Variants in ATP8B1 observed in about 807,000 individuals in gnomAD.
ATP8B1 encodes the protein phospholipid-transporting ATPase IC.
In ATP8B1, 80 loss-of-function variants were observed where a neutral mutation model predicts 149.9. The observed-to-expected ratio is 0.53, with a 90% CI of 0.45 to 0.64. The LOEUF (loss-of-function observed/expected upper bound fraction) is 0.64, where lower values mean the gene tolerates loss of function less well. Among genes scored for constraint, ATP8B1 ranks in the 30% least tolerant of loss-of-function variants. The probability of loss-of-function intolerance (pLI) is 0.00; values close to 1 mark genes in which losing one functional copy is unlikely to be tolerated. For synonymous variants in ATP8B1, 536 were observed against 562.8 expected, an observed-to-expected ratio of 0.95 and a Z score of 0.67; for missense variants, 1,247 against 1,552.6, an observed-to-expected ratio of 0.80 and a Z score of 3.31.
intron 12 of ATP8B1, among the ~76,000 whole-genome samples, chr18:57,688,837 A>G (rs763039063): frequency 6.6e-6 from 1 of 152,198 alleles, no homozygotes; most frequent in Admixed American, 6.5e-5. Context: ...TAAAGCAGAA[A>G]GTGAGCCTTT....
At chr18:57,768,406 A>AAAAAGAAAAG (rs1342654573) in intron 1 of ATP8B1, among the ~76,000 whole-genome samples, 3 of 120,000 alleles carry the variant, frequency 2.5e-5, no homozygotes, top group South Asian at 2.7e-4. Flanking sequence ...AAAAAAAAAA[A>AAAAAGAAAAG]AAAAGAAAAG....
At chr18:57,727,990 A>T (rs551759738) in intron 2 of ATP8B1, among the ~76,000 whole-genome samples, 3 of 152,258 alleles carry the variant, frequency 2.0e-5, no homozygotes, top group African/African-American at 7.2e-5. Context: ...CTGTGGGCTT[A>T]TCTTTCTCCA....
At chr18:57,797,394 A>G (rs952280405) in intron 1 of ATP8B1, among the ~76,000 whole-genome samples, 13 of 152,200 alleles carry the variant, frequency 8.5e-5, no homozygotes, top group African/African-American at 3.1e-4. Flanking sequence ...AGGCTTCTCA[A>G]TCACGCTGTG....
intron 1 of ATP8B1, among the ~76,000 whole-genome samples, chr18:57,750,488 G>A (rs1473783538): frequency 2.6e-5 from 4 of 152,120 alleles, no homozygotes; most frequent in Non-Finnish European, 1.5e-5. Flanking sequence ...CAAATATTTC[G>A]GAGTTGTGAC....
intron 22 of ATP8B1, among the ~76,000 whole-genome samples, chr18:57,657,421 G>C (rs1254340607): frequency 6.6e-6 from 1 of 152,078 alleles, no homozygotes; most frequent in African/African-American, 2.4e-5. Context: ...AGATATGTTG[G>C]AGAACACAAC....
chr18:57,731,022 C>G (rs763339066), intron 2 of ATP8B1, among the ~76,000 whole-genome samples: 1 of 152,088 alleles, frequency 6.6e-6, no homozygotes, highest in Admixed American at 6.6e-5. Flanking sequence ...GGCTACGCAT[C>G]GTAGCTCATG....
intron 2 of ATP8B1, among the ~76,000 whole-genome samples, chr18:57,711,983 T>G (rs1039991595): frequency 6.6e-6 from 1 of 151,794 alleles, no homozygotes; most frequent in African/African-American, 2.4e-5. Flanking sequence ...CTTTTCTAAT[T>G]GGATCATTTA....
At chr18:57,695,398 T>G in intron 9 of ATP8B1, 52 bp downstream of exon 9, 1 of 1,591,886 alleles carries the variant, frequency 6.3e-7, no homozygotes, top group African/African-American at 1.3e-5. Flanking sequence ...TCAATAGGAA[T>G]TGAACCAAGC....
At chr18:57,671,139 C>T (rs1172096531) in intron 17 of ATP8B1, among the ~76,000 whole-genome samples, 1 of 152,186 alleles carries the variant, frequency 6.6e-6, no homozygotes, top group Non-Finnish European at 1.5e-5. Flanking sequence ...TTGGGGACCA[C>T]ACACATAGTA....
intron 18 of ATP8B1, chr18:57,668,817 T>G: frequency 2.5e-6 from 1 of 398,152 alleles, no homozygotes; most frequent in Non-Finnish European, 4.5e-6. Flanking sequence ...AATACACTTT[T>G]CTTGTGTATT....
intron 15 of ATP8B1, among the ~76,000 whole-genome samples, chr18:57,677,333 A>T (rs1911658753): frequency 6.6e-6 from 1 of 152,234 alleles, no homozygotes; most frequent in Non-Finnish European, 1.5e-5. Flanking sequence ...TAAAAAGTTT[A>T]AAAAATACTC....
chr18:57,689,661 T>A (rs981348826), intron 12 of ATP8B1, among the ~76,000 whole-genome samples: 2 of 152,196 alleles, frequency 1.3e-5, no homozygotes, highest in Non-Finnish European at 2.9e-5. Flanking sequence ...TACTTTCTAG[T>A]AGAGACAGAC....
At position 57,696,581 on chromosome 18, in the gene ATP8B1, A is replaced by G. The variant is rs58792364; in HGVS notation, c.698+1037T>C. Among the ~76,000 whole-genome samples the G allele has an allele frequency of 8.8e-3, 1,323 of 150,962 alleles. 21 individuals are homozygous for G. The highest frequency in any genetic ancestry group is 0.031 in the African/African-American group (1,264 of 41,132). On this transcript the variant is annotated intron_variant, in intron 8 of 27. Transcript: ENST00000648908. ...AAAAAAAGTGTGATAGATTTCCAACAGTCAATTGCCTGATCTATGAAGCAA... is the reference window on the plus strand; with the variant it reads ...AAAAAAAGTGTGATAGATTTCCAACGGTCAATTGCCTGATCTATGAAGCAA...
intron 1 of ATP8B1, among the ~76,000 whole-genome samples, chr18:57,746,881 G>T (rs983343309): frequency 1.3e-5 from 2 of 152,182 alleles, no homozygotes; most frequent in Admixed American, 1.3e-4. Context: ...CATGGTGCAT[G>T]GAAGTGAGCT....
chr18:57,798,559 C>T (rs2080541231), intron 1 of ATP8B1, among the ~76,000 whole-genome samples: 1 of 152,114 alleles, frequency 6.6e-6, no homozygotes, highest in Non-Finnish European at 1.5e-5. Flanking sequence ...TCATGCCTCT[C>T]CCCTCCAGCC....
At chr18:57,662,922 T>G (rs1178475707) in intron 20 of ATP8B1, among the ~76,000 whole-genome samples, 2 of 152,048 alleles carry the variant, frequency 1.3e-5, no homozygotes, top group Non-Finnish European at 2.9e-5. Flanking sequence ...CCTGGCTAAT[T>G]TTTGTATTTT....
At chr18:57,763,493 A>G (rs532921930) in intron 1 of ATP8B1, among the ~76,000 whole-genome samples, 1 of 152,186 alleles carries the variant, frequency 6.6e-6, no homozygotes, top group Non-Finnish European at 1.5e-5. Flanking sequence ...TTTCATATGC[A>G]TTTATTTTTC....
At position 57,731,362 on chromosome 18, in the gene ATP8B1, T is replaced by C. The variant is rs1425638753; in HGVS notation, c.181+265A>G. The stretch of plus-strand genomic sequence containing the variant: ...ATATATATATATATATATATATATA[T>C]ATATATATATATACACACACTAACA... On this transcript the variant is annotated intron_variant, in intron 2 of 27. Transcript: ENST00000648908. 1.6e-5 allele frequency: 3 copies of C among 183,416 alleles called. 1 individual carries two copies. Among genetic ancestry groups the C allele is most frequent in the East Asian group, 3.0e-4 (2 of 6,590 alleles). The allele number at this position is 183,416 out of a possible 1,614,324, so 11.4% of individuals were successfully genotyped here. A position where few individuals can be genotyped will look rare whatever the true frequency, so the allele number is the denominator to read the frequency against.
chr18:57,759,482 A>C (rs1371567310), intron 1 of ATP8B1, among the ~76,000 whole-genome samples: 2 of 152,092 alleles, frequency 1.3e-5, no homozygotes, highest in Non-Finnish European at 2.9e-5. Flanking sequence ...TCCCTAACAG[A>C]TAATCTGGTA....
Sources: allele counts gnomAD v4.1 joint callset (sites outside exome capture counted in the v4.1 genomes callset), GRCh38; gene constraint gnomAD v4.1.1; transcripts MANE v1.5; gene names NCBI Gene and HGNC (gene_info 2026-07-23, HGNC 2026-07-21).